Variants in MACROD2 observed in about 807,000 individuals in gnomAD.
MACROD2 encodes mono-ADP ribosylhydrolase 2, also known as ADP-ribose glycohydrolase MACROD2.
MACROD2 carries 36 observed loss-of-function variants against 70.4 expected under a neutral mutation model. The ratio of observed to expected loss-of-function variants is 0.51; its 90% confidence interval spans 0.39 to 0.68. The LOEUF (loss-of-function observed/expected upper bound fraction) is 0.68. Ranked by LOEUF, MACROD2 falls within the 30% of genes least tolerant of loss-of-function variation. MACROD2 has a pLI of 0.00. For synonymous variants in MACROD2, 172 were observed against 178.8 expected (o/e 0.96, Z 0.30); for missense variants, 496 against 538.4 (o/e 0.92, Z 0.78).
chr20:15,777,902 C>T (rs7265927), intron 8 of MACROD2, among the ~76,000 whole-genome samples: 4,218 of 152,208 alleles, frequency 0.028, 217 homozygotes, highest in African/African-American at 0.097. Context: ...CTGCCTGCCT[C>T]GGCCTCCCAA....
chr20:14,733,870 T>C (rs567879922), intron 5 of MACROD2, among the ~76,000 whole-genome samples: 1 of 152,300 alleles, frequency 6.6e-6, no homozygotes, highest in South Asian at 2.1e-4. Flanking sequence ...TTGTTGGGGC[T>C]CTAGTACTTA....
chr20:14,143,316 G>A (rs757760183), intron 3 of MACROD2, among the ~76,000 whole-genome samples: 1 of 152,170 alleles, frequency 6.6e-6, no homozygotes, highest in Non-Finnish European at 1.5e-5. Flanking sequence ...TTAGAAAAGA[G>A]ACTTATTTCT....
chr20:15,966,201 GC>G (rs1480281169), intron 12 of MACROD2, among the ~76,000 whole-genome samples: 2 of 152,196 alleles, frequency 1.3e-5, no homozygotes, highest in Non-Finnish European at 2.9e-5. Flanking sequence ...ATCTGATTCA[GC>G]TCTGTTGGGG....
chr20:15,520,107 GA>G (rs1314024833), intron 8 of MACROD2, among the ~76,000 whole-genome samples: 17 of 152,254 alleles, frequency 1.1e-4, no homozygotes, highest in Non-Finnish European at 1.6e-4. Context: ...ACTTATAATA[GA>G]AAAATGATTA....
chr20:13,998,096 G>T (rs993324228), intron 1 of MACROD2, among the ~76,000 whole-genome samples: 1 of 152,032 alleles, frequency 6.6e-6, no homozygotes, highest in Admixed American at 6.6e-5. Flanking sequence ...CTACTTAATT[G>T]CTTGGTTCAC....
Position 14,425,186 on chromosome 20 carries a change from A to G in MACROD2, c.272-68293A>G, listed in dbSNP as rs570192037. On this transcript the variant is annotated intron_variant, in intron 3 of 17. Transcript: ENST00000684519. Reference sequence around the variant, plus strand: ...CCCAGTGTTAGCTTAAGTTTTTGATATTGAGCTTCATGTCTCTGAGTGTCA... The same window carrying G: ...CCCAGTGTTAGCTTAAGTTTTTGATGTTGAGCTTCATGTCTCTGAGTGTCA... 8.5e-5 allele frequency among the ~76,000 whole-genome samples: 13 copies of G among 152,262 alleles called. No individual in the cohort carries two copies. The East Asian group carries it at 2.5e-3, about 29-fold the overall frequency.
intron 3 of MACROD2, among the ~76,000 whole-genome samples, chr20:14,251,088 A>G (rs1224264390): frequency 6.6e-6 from 1 of 152,200 alleles, no homozygotes; most frequent in East Asian, 1.9e-4. Flanking sequence ...TAGATTCATA[A>G]AATTAAGTGA....
intron 5 of MACROD2, among the ~76,000 whole-genome samples, chr20:15,204,204 C>G (rs2076681641): frequency 6.6e-6 from 1 of 152,136 alleles, no homozygotes; most frequent in Non-Finnish European, 1.5e-5. Context: ...CTAGTTTTCA[C>G]AATTTGTTGT....
intron 6 of MACROD2, among the ~76,000 whole-genome samples, chr20:15,402,770 A>G (rs2045947664): frequency 6.6e-6 from 1 of 152,216 alleles, no homozygotes; most frequent in Non-Finnish European, 1.5e-5. Context: ...TTGCTTCCAA[A>G]GGGCATAATT....
intron 5 of MACROD2, among the ~76,000 whole-genome samples, chr20:15,089,390 G>C (rs1463996135): frequency 1.3e-5 from 2 of 152,050 alleles, no homozygotes; most frequent in East Asian, 3.9e-4. Flanking sequence ...ATTGATGGTT[G>C]CCTTGCCAAG....
chr20:15,274,519 G>T (rs548467273), intron 6 of MACROD2, among the ~76,000 whole-genome samples: 2 of 152,300 alleles, frequency 1.3e-5, no homozygotes, highest in African/African-American at 4.8e-5. Flanking sequence ...CCCAACTAAT[G>T]TCAGTGGTGC....
At chr20:14,288,362 C>G (rs2082360806) in intron 3 of MACROD2, among the ~76,000 whole-genome samples, 1 of 152,138 alleles carries the variant, frequency 6.6e-6, no homozygotes, top group Admixed American at 6.5e-5. Flanking sequence ...TGAAGTTACT[C>G]TATCAGTTTT....
chr20:15,512,802 T>C (rs1172247377), intron 8 of MACROD2, among the ~76,000 whole-genome samples: 2 of 152,084 alleles, frequency 1.3e-5, no homozygotes, highest in Non-Finnish European at 2.9e-5. Flanking sequence ...GAAATGAAAC[T>C]CTATATTAAA....
intron 3 of MACROD2, among the ~76,000 whole-genome samples, chr20:14,134,770 A>C (rs1412179660): frequency 8.1e-6 from 1 of 123,532 alleles, no homozygotes; most frequent in African/African-American, 3.2e-5. Context: ...GCGCTACTGC[A>C]CTCCCGCCTG....
intron 7 of MACROD2, among the ~76,000 whole-genome samples, chr20:15,479,978 A>G (rs1240000602): frequency 6.6e-6 from 1 of 152,254 alleles, no homozygotes; most frequent in Non-Finnish European, 1.5e-5. Context: ...ATAATAATAT[A>G]AGTAAAGTAT....
intron 15 of MACROD2, among the ~76,000 whole-genome samples, chr20:15,992,459 A>G (rs1371252248): frequency 6.6e-6 from 1 of 151,996 alleles, no homozygotes; most frequent in East Asian, 1.9e-4. Flanking sequence ...AGTTCTCACT[A>G]TGGCTCCCAC....
At chr20:14,723,358 G>T (rs2071491792) in intron 5 of MACROD2, among the ~76,000 whole-genome samples, 1 of 151,962 alleles carries the variant, frequency 6.6e-6, no homozygotes, top group Non-Finnish European at 1.5e-5. Context: ...AGAGAAAAAA[G>T]AGATAAAACA....
At chr20:14,803,174 A>C (rs1375633886) in intron 5 of MACROD2, among the ~76,000 whole-genome samples, 2 of 152,136 alleles carry the variant, frequency 1.3e-5, no homozygotes, top group Non-Finnish European at 2.9e-5. Flanking sequence ...ATGGCACAGC[A>C]TATTGCCTGT....
At chr20:14,753,846 C>G (rs1263736086) in intron 5 of MACROD2, among the ~76,000 whole-genome samples, 1 of 152,044 alleles carries the variant, frequency 6.6e-6, no homozygotes, top group Non-Finnish European at 1.5e-5. Flanking sequence ...AATTTGAGGA[C>G]TTAGGTACTT....
Sources: allele counts gnomAD v4.1 joint callset (sites outside exome capture counted in the v4.1 genomes callset), GRCh38; gene constraint gnomAD v4.1.1; transcripts MANE v1.5; gene names NCBI Gene and HGNC (gene_info 2026-07-23, HGNC 2026-07-21).